GPC6: variants seen among roughly 807,000 people sequenced by gnomAD.
GPC6 encodes glypican-6.
Under a neutral mutation model 55.2 loss-of-function variants are expected in GPC6, and 14 were observed. The ratio of observed to expected loss-of-function variants is 0.25; its 90% CI spans 0.17 to 0.40. GPC6 has a LOEUF of 0.40. Ranked by LOEUF, GPC6 falls within the 10% of genes least tolerant of loss-of-function variation. The probability of loss-of-function intolerance (pLI) is 1.00; values close to 1 mark genes in which losing one functional copy is unlikely to be tolerated. For missense variants in GPC6, 641 were observed against 708.5 expected, an observed-to-expected ratio of 0.90 and a Z score of 1.08; for synonymous variants, 278 against 259.6, an observed-to-expected ratio of 1.07 and a Z score of -0.68.
chr13:93,470,823 C>A lies in GPC6; in HGVS notation c.161-74440C>A, dbSNP rs997229075. On this transcript the variant is annotated intron_variant, in intron 1 of 8. Transcript: ENST00000377047. ...TTTTCAAAATCAATTTCTTTTAAAT[C>A]GGATGATAAATGTTATCCATTTCAT... Among the ~76,000 whole-genome samples, 3 of 151,668 alleles carry A rather than the reference C, an allele frequency of 2.0e-5. 1 individual carries two copies. The highest frequency in any genetic ancestry group is 6.9e-3 in the Middle Eastern group (2 of 288).
At chr13:93,702,438 A>G (rs1037490452) in intron 2 of GPC6, among the ~76,000 whole-genome samples, 1 of 151,988 alleles carries the variant, frequency 6.6e-6, no homozygotes, top group Admixed American at 6.6e-5. Context: ...TAAGGGCCCT[A>G]GGATTTTCAG....
At chr13:94,108,752 G>C (rs1886141065) in intron 4 of GPC6, among the ~76,000 whole-genome samples, 1 of 151,182 alleles carries the variant, frequency 6.6e-6, no homozygotes, top group Non-Finnish European at 1.5e-5. Flanking sequence ...TGAGACAGAA[G>C]AATCACTCGA....
At chr13:94,007,523 A>G (rs1318009160) in intron 3 of GPC6, among the ~76,000 whole-genome samples, 1 of 152,234 alleles carries the variant, frequency 6.6e-6, no homozygotes, top group African/African-American at 2.4e-5. Flanking sequence ...CCAAGAGAAG[A>G]GACCTCGGGA....
chr13:93,495,724 G>T (rs1372527174), intron 1 of GPC6, among the ~76,000 whole-genome samples: 5 of 128,598 alleles, frequency 3.9e-5, no homozygotes, highest in African/African-American at 8.7e-5. Context: ...CTTTCTGTTT[G>T]TTAGTATTCC....
chr13:93,850,145 A>C (rs1888343792), intron 3 of GPC6, among the ~76,000 whole-genome samples: 1 of 152,072 alleles, frequency 6.6e-6, no homozygotes, highest in African/African-American at 2.4e-5. Flanking sequence ...GAAAAAGACA[A>C]TCAGTAGGTT....
intron 4 of GPC6, among the ~76,000 whole-genome samples, chr13:94,272,759 C>A (rs997282673): frequency 6.6e-6 from 1 of 152,058 alleles, no homozygotes; most frequent in Admixed American, 6.6e-5. Context: ...TGAGACACCA[C>A]GCCTGGCCCT....
chr13:94,094,048 G>A (rs1326073040), intron 4 of GPC6, among the ~76,000 whole-genome samples: 1 of 104,200 alleles, frequency 9.6e-6, no homozygotes, highest in Non-Finnish European at 2.0e-5. Context: ...TCAGCAACAG[G>A]ACTCTGCCTT....
chr13:93,704,909 G>T (rs949220935), intron 2 of GPC6, among the ~76,000 whole-genome samples: 1 of 151,884 alleles, frequency 6.6e-6, no homozygotes, highest in Admixed American at 6.6e-5. Context: ...CGCCATGTGG[G>T]TGACACCAGG....
rs1882250704 is a variant in GPC6 at position 93,540,521 on chromosome 13, G to A, written c.161-4742G>A. Among the ~76,000 whole-genome samples, 11 of 151,826 alleles carry A rather than the reference G, an allele frequency of 7.2e-5. No individual in the cohort carries two copies. The South Asian group carries it at 2.3e-3, about 32-fold the overall frequency. On this transcript the variant is annotated intron_variant, in intron 1 of 8. Transcript: ENST00000377047. ...GTCTCCTTTTCTAGAAATTTAATAA[G>A]ATATAGCTTTATTTTTATTTTGTTT... is the stretch of plus-strand genomic sequence containing the variant.
rs71126419 is a variant in GPC6, at chr13:93,832,122, AAT to A, written c.711+1599_711+1600del. ...AAAAAAAAAAAAAAAAAAAAAAAAA[AAT>A]ATATATATATATATATATATAATGT... On this transcript the variant is annotated intron_variant, in intron 3 of 8. Coordinates refer to ENST00000377047, the MANE Select transcript of GPC6 (RefSeq NM_005708.5). Among the ~76,000 whole-genome samples the A allele has an allele frequency of 9.1e-3, 110 of 12,052 alleles. 3 individuals are homozygous for A. The highest frequency in any genetic ancestry group is 0.019 in the East Asian group (4 of 212). The allele number at this position is 12,052 out of a possible 152,430, so 7.9% of individuals were successfully genotyped here.
intron 1 of GPC6, among the ~76,000 whole-genome samples, chr13:93,433,229 G>A (rs1877437003): frequency 6.6e-6 from 1 of 152,250 alleles, no homozygotes; most frequent in South Asian, 2.1e-4. Flanking sequence ...TGCAGTCCAT[G>A]AAATCTGGTT....
chr13:93,339,640 G>C (rs1294850069), intron 1 of GPC6, among the ~76,000 whole-genome samples: 3 of 152,160 alleles, frequency 2.0e-5, no homozygotes, highest in African/African-American at 7.2e-5. Context: ...ATGTAAGATT[G>C]GTCAGTTTTG....
At chr13:94,220,526 G>T (rs1405526522) in intron 4 of GPC6, among the ~76,000 whole-genome samples, 4 of 151,844 alleles carry the variant, frequency 2.6e-5, no homozygotes, top group Non-Finnish European at 5.9e-5. Flanking sequence ...TTTCCAAAAA[G>T]ACTCCGTAAT....
chr13:94,224,381 G>A (rs1890483185), intron 4 of GPC6, among the ~76,000 whole-genome samples: 1 of 151,310 alleles, frequency 6.6e-6, no homozygotes, highest in Non-Finnish European at 1.5e-5. Flanking sequence ...TTCCATCAAG[G>A]CCAAGACACT....
chr13:93,498,969 G>A (rs549098437), intron 1 of GPC6, among the ~76,000 whole-genome samples: 5 of 152,142 alleles, frequency 3.3e-5, no homozygotes, highest in African/African-American at 1.2e-4. Context: ...AGAAAGCCTT[G>A]TGTTTTAATT....
chr13:94,168,666 A>G (rs1019680083), intron 4 of GPC6, among the ~76,000 whole-genome samples: 4 of 148,300 alleles, frequency 2.7e-5, no homozygotes, highest in East Asian at 1.9e-4. Context: ...ATGTCCATAT[A>G]TTATAAATAC....
chr13:93,532,695 A>G (rs1408203971), intron 1 of GPC6, among the ~76,000 whole-genome samples: 5 of 152,098 alleles, frequency 3.3e-5, no homozygotes, highest in South Asian at 4.1e-4. Context: ...CCTCACCCCT[A>G]AACAGTTCAG....
rs77437941 is a variant in GPC6 at position 93,954,299 on chromosome 13, A to G, written c.712-73430A>G. ...AAAGTTTTGAAAAATATTCTTCTGC[A>G]TACACAGTGCCTTTATTTTTATTTA... On this transcript the variant is annotated intron_variant, in intron 3 of 8. Transcript: ENST00000377047. Among the ~76,000 whole-genome samples, 642 of 152,270 alleles carry G rather than the reference A, an allele frequency of 4.2e-3. 6 individuals carry two copies. The highest frequency in any genetic ancestry group is 0.015 in the African/African-American group (621 of 41,564).
chr13:93,317,349 C>T (rs1235581040), intron 1 of GPC6, among the ~76,000 whole-genome samples: 1 of 152,068 alleles, frequency 6.6e-6, no homozygotes, highest in African/African-American at 2.4e-5. Flanking sequence ...TAATATTAAT[C>T]TTTACAACCA....
Sources: gnomAD v4.1 joint callset for allele counts (sites outside exome capture counted in the v4.1 genomes callset) on GRCh38, gnomAD v4.1.1 for gene constraint, MANE v1.5 for transcripts, NCBI Gene and HGNC (gene_info 2026-07-23, HGNC 2026-07-21) for gene names.